STX8: variants seen among roughly 807,000 people sequenced by gnomAD.
STX8 encodes the protein syntaxin-8.
STX8 carries 23 observed loss-of-function variants against 37.5 expected under a neutral mutation model. The ratio of observed to expected loss-of-function variants is 0.61; its 90% confidence interval spans 0.44 to 0.87. STX8 has a LOEUF of 0.87. STX8 is among the 40% of genes least tolerant of loss of function. The probability of loss-of-function intolerance (pLI) is 0.00; values close to 1 mark genes in which losing one functional copy is unlikely to be tolerated. For synonymous variants in STX8, 115 were observed against 99.1 expected, an observed-to-expected ratio of 1.16 and a Z score of -0.95; for missense variants, 313 against 284.7, an observed-to-expected ratio of 1.10 and a Z score of -0.71.
chr17:9,320,266 G>A (rs1275400491), intron 7 of STX8, among the ~76,000 whole-genome samples: 1 of 150,354 alleles, frequency 6.7e-6, no homozygotes, highest in Admixed American at 6.6e-5. Context: ...CCGGGAGGTG[G>A]AGGTTACAGT....
At chr17:9,434,653 G>T (rs892314500) in intron 6 of STX8, among the ~76,000 whole-genome samples, 2 of 152,204 alleles carry the variant, frequency 1.3e-5, no homozygotes, top group African/African-American at 2.4e-5. Context: ...AGGGTTCTTG[G>T]CTTCACCCAG....
chr17:9,367,200 T>C (rs1911255887), intron 7 of STX8, among the ~76,000 whole-genome samples: 1 of 152,008 alleles, frequency 6.6e-6, no homozygotes, highest in Admixed American at 6.6e-5. Context: ...TTGCTTTTTT[T>C]CCCTGTCCAG....
chr17:9,568,667 ATTT>A (rs1441411412), intron 1 of STX8, among the ~76,000 whole-genome samples, 197 bp from the exon 2 acceptor site: 1 of 151,982 alleles, frequency 6.6e-6, no homozygotes, highest in Admixed American at 6.6e-5. Context: ...TGCCTGGCTA[ATTT>A]TTTGTATTTT....
At chr17:9,451,405 C>T (rs1905036326) in intron 6 of STX8, among the ~76,000 whole-genome samples, 2 of 152,298 alleles carry the variant, frequency 1.3e-5, no homozygotes, top group African/African-American at 4.8e-5. Context: ...TTTAATGTAA[C>T]TTTCCAAAGT....
intron 7 of STX8, among the ~76,000 whole-genome samples, chr17:9,327,853 C>T (rs1909829284): frequency 1.3e-5 from 2 of 151,796 alleles, no homozygotes; most frequent in African/African-American, 4.8e-5. Flanking sequence ...TTTTCTCCTT[C>T]CTTCCTCCCT....
chr17:9,472,967 G>A (rs1905938179), intron 6 of STX8, among the ~76,000 whole-genome samples: 1 of 152,156 alleles, frequency 6.6e-6, no homozygotes. Context: ...CTCAAAGCTG[G>A]CCAAACCCAT....
intron 4 of STX8, among the ~76,000 whole-genome samples, chr17:9,520,729 T>C (rs1905311026): frequency 6.6e-6 from 1 of 152,194 alleles, no homozygotes; most frequent in African/African-American, 2.4e-5. Flanking sequence ...TACAGACAAA[T>C]GAAGTTGAAG....
intron 4 of STX8, among the ~76,000 whole-genome samples, chr17:9,514,378 G>A (rs568514613): frequency 6.6e-6 from 1 of 152,296 alleles, no homozygotes; most frequent in South Asian, 2.1e-4. Context: ...GCCAACGCAG[G>A]TGGATCACCT....
intron 7 of STX8, among the ~76,000 whole-genome samples, chr17:9,259,010 C>CT (rs535888560): frequency 6.1e-4 from 93 of 152,166 alleles, no homozygotes; most frequent in Non-Finnish European, 1.1e-3. Context: ...ACCTTTGGTT[C>CT]TTTTTTTATT....
intron 6 of STX8, among the ~76,000 whole-genome samples, chr17:9,469,431 A>G (rs554954324): frequency 2.6e-5 from 4 of 152,254 alleles, no homozygotes; most frequent in Non-Finnish European, 4.4e-5. Flanking sequence ...CTTTCCATAG[A>G]AAACTGAGGC....
intron 6 of STX8, among the ~76,000 whole-genome samples, chr17:9,428,644 T>C (rs1171986797): frequency 2.0e-5 from 3 of 152,344 alleles, no homozygotes; most frequent in East Asian, 3.9e-4. Flanking sequence ...ACCATGTCTG[T>C]AATTATGAAA....
intron 4 of STX8, among the ~76,000 whole-genome samples, chr17:9,523,932 AAAGCCAAGG>A (rs1292530766): frequency 6.6e-6 from 1 of 152,244 alleles, no homozygotes; most frequent in East Asian, 1.9e-4. Context: ...AAGATGCACA[AAAGCCAAGG>A]ACCACCTACA....
rs187641722 is a variant in STX8, at chr17:9,417,796, C to T, written c.542-39143G>A. 4.6e-5 allele frequency among the ~76,000 whole-genome samples: 7 copies of T among 152,268 alleles called. No individual in the cohort carries two copies. The East Asian group carries it at 1.4e-3, about 29-fold the overall frequency. ...CAATCATGCCTATGTAATGGAACCT[C>T]CACGAACACCCCTAAATGATGGGAC... On this transcript the variant is annotated intron_variant, in intron 6 of 7. Coordinates refer to ENST00000306357, the MANE Select transcript of STX8 (RefSeq NM_004853.3).
At chr17:9,552,311 C>T (rs978338515) in intron 3 of STX8, among the ~76,000 whole-genome samples, 1 of 152,188 alleles carries the variant, frequency 6.6e-6, no homozygotes, top group Non-Finnish European at 1.5e-5. Context: ...CACTGCCCCC[C>T]ATCCTAGGCA....
chr17:9,253,207 G>GGTGTGT (rs36048368), intron 7 of STX8, among the ~76,000 whole-genome samples: 11,085 of 140,896 alleles, frequency 0.079, 544 homozygotes, highest in Non-Finnish European at 0.098. Flanking sequence ...CAGGGGTAGG[G>GGTGTGT]GTGTGTGTGT....
chr17:9,550,105 T>A (rs1567606968), intron 3 of STX8, among the ~76,000 whole-genome samples: 1 of 151,936 alleles, frequency 6.6e-6, no homozygotes, highest in Non-Finnish European at 1.5e-5. Context: ...ACGCCTGTAG[T>A]CCCAGCTACT....
chr17:9,311,240 A>G (rs1909178059), intron 7 of STX8, among the ~76,000 whole-genome samples: 1 of 150,434 alleles, frequency 6.6e-6, no homozygotes, highest in South Asian at 2.1e-4. Context: ...CCGTCTCAAA[A>G]AAAAAAAAAA....
chr17:9,364,871 G>A (rs946757129), intron 7 of STX8, among the ~76,000 whole-genome samples: 8 of 152,054 alleles, frequency 5.3e-5, no homozygotes, highest in Non-Finnish European at 1.0e-4. Flanking sequence ...CCCTCTGGGG[G>A]TTGCAGTTTA....
Position 9,294,364 on chromosome 17 carries a change from A to G in STX8, c.644-43719T>C, listed in dbSNP as rs375923497. On this transcript the variant is annotated intron_variant, in intron 7 of 7. Coordinates refer to ENST00000306357, the MANE Select transcript of STX8 (RefSeq NM_004853.3). Reference sequence around the variant, plus strand: ...GTGCAAAACCCTATGGTGGGCCTCAATGGCTCAGGAAAGCTGGAAATACAA... The same window carrying G: ...GTGCAAAACCCTATGGTGGGCCTCAGTGGCTCAGGAAAGCTGGAAATACAA... Among the ~76,000 whole-genome samples the G allele has an allele frequency of 1.3e-4, 20 of 152,368 alleles. No individual in the cohort carries two copies. The East Asian group carries it at 2.3e-3, about 18-fold the overall frequency.
Sources: gnomAD v4.1 joint callset for allele counts (sites outside exome capture counted in the v4.1 genomes callset) on GRCh38, gnomAD v4.1.1 for gene constraint, MANE v1.5 for transcripts, NCBI Gene and HGNC (gene_info 2026-07-23, HGNC 2026-07-21) for gene names.